The following FUT4 variants were observed in gnomAD, a reference collection of about 807,000 sequenced individuals.
The protein encoded by FUT4 is alpha-(1,3)-fucosyltransferase 4.
FUT4 carries 1 observed loss-of-function variant against 3.8 expected under a neutral mutation model. That is an observed-to-expected ratio of 0.26 (90% CI 0.09 to 1.25). The LOEUF is 1.25. FUT4 is among the 50% of genes most tolerant of loss of function. The pLI, the probability that FUT4 is intolerant of heterozygous loss-of-function variation, is 0.47. For synonymous variants in FUT4, 417 were observed against 355.3 expected, an observed-to-expected ratio of 1.17 and a Z score of -1.95; for missense variants, 880 against 768.2, an observed-to-expected ratio of 1.15 and a Z score of -1.72.
In FUT4 at chr11:94,547,666, T is replaced by C. The variant is rs890223778; in HGVS notation, c.*1940T>C. On this transcript the variant is annotated 3_prime_UTR_variant, in exon 1 of 1. Transcript: ENST00000358752. ...GCCAGCCACCGAATAAAGATAAAAG[T>C]TCAGTTCTTAAAATGAGTTTTTATG... 6 of 167,068 alleles carry C rather than the reference T, an allele frequency of 3.6e-5. No individual in the cohort carries two copies. Among genetic ancestry groups the C allele is most frequent in the Non-Finnish European group, 7.3e-5 (5 of 68,118 alleles). 10.3% of individuals were successfully genotyped at this position (167,068 alleles called of 1,614,324 possible).
rs569557978 is a variant in FUT4 at position 94,545,988 on chromosome 11, T to C, written c.*262T>C. 1.1e-4 allele frequency: 68 copies of C among 620,602 alleles called. No individual in the cohort carries two copies. In the African/African-American group the frequency reaches 1.2e-3, roughly 11 times the overall value. The allele number at this position is 620,602 out of a possible 1,614,324, so 38.4% of individuals were successfully genotyped here. A position where few individuals can be genotyped will look rare whatever the true frequency, so the allele number is the denominator to read the frequency against. On this transcript the variant is annotated 3_prime_UTR_variant, in exon 1 of 1. Coordinates refer to ENST00000358752, the MANE Select transcript of FUT4 (RefSeq NM_002033.4). ...TGTTTAGGGGTGAAGGAGGGGGTTC[T>C]TCCTCACCTTGTAACCAGTGCAGAA...
Position 94,544,400 on chromosome 11 carries a change from C to A in FUT4, c.267C>A (p.Ser89Arg). ...CCGCCCCCTTCCATTCCCGGGCCAG[C>A]GGCGAGCGGCAGCGACGGCTGGAGC... is the stretch of plus-strand genomic sequence containing the variant. ...SGTAPFHSRA[S>R]GERQRRLEPQ... Residue 89 changes from serine to arginine, a missense_variant, in exon 1 of 1, where the codon AGC (serine) becomes AGA (arginine). By Grantham distance (110) the Ser-to-Arg change is moderately radical. Coordinates refer to ENST00000358752, the MANE Select transcript of FUT4 (RefSeq NM_002033.4). The A allele has an allele frequency of 6.5e-7, 1 of 1,533,200 alleles. No homozygotes were observed. Among genetic ancestry groups the A allele is most frequent in the Non-Finnish European group, 8.7e-7 (1 of 1,147,938 alleles). The allele number at this position is 1,533,200 out of a possible 1,614,324, so 95.0% of individuals were successfully genotyped here.
rs937081855 is a variant in FUT4 at position 94,546,960 on chromosome 11, C to T, written c.*1234C>T. The T allele has an allele frequency of 6.0e-6, 1 of 167,166 alleles. No individual in the cohort carries two copies. Among genetic ancestry groups the T allele is most frequent in the African/African-American group, 2.4e-5 (1 of 41,468 alleles). 10.4% of individuals were successfully genotyped at this position (167,166 alleles called of 1,614,324 possible). Reference sequence around the variant, plus strand: ...CTTGTTAAAGGCTAAATCTGCGCTTCTCCCTGGTGCCAGCAGGTTCCCCTC... The same window carrying T: ...CTTGTTAAAGGCTAAATCTGCGCTTTTCCCTGGTGCCAGCAGGTTCCCCTC... On this transcript the variant is annotated 3_prime_UTR_variant, in exon 1 of 1. Transcript: ENST00000358752.
chr11:94,545,265 A>G lies in FUT4; in HGVS notation c.1132A>G (p.Ser378Gly). 6.2e-7 allele frequency: 1 copy of G among 1,611,724 alleles called. No homozygotes were observed. Among genetic ancestry groups the G allele is most frequent in the Non-Finnish European group, 8.5e-7 (1 of 1,179,862 alleles). Residue 378 changes from serine to glycine, a missense_variant, in exon 1 of 1, where the codon AGC becomes GGC. Transcript: ENST00000358752. Reference protein sequence around the residue: ...QARVRYYHQLSQHVTVDVFGR... With the variant: ...QARVRYYHQLGQHVTVDVFGR... ...CCGGGTCCGCTACTACCACCAACTG[A>G]GCCAACATGTGACCGTGGACGTGTT...
chr11:94,544,110 TTG>T lies in FUT4; in HGVS notation c.-23_-22del. On this transcript the variant is annotated 5_prime_UTR_variant, in exon 1 of 1. The change abolishes the stop of an existing upstream ORF in the 5' untranslated region. Transcript: ENST00000358752. ...CGCGCGCAGAGGGAAACCGGATCAG[TTG>T]AGAGAGAATCAAGAGTAGCGGATGA... 1.5e-6 allele frequency: 2 copies of T among 1,379,168 alleles called. No homozygotes were observed. Among genetic ancestry groups the T allele is most frequent in the Non-Finnish European group, 1.9e-6 (2 of 1,067,384 alleles). 85.4% of individuals were successfully genotyped at this position (1,379,168 alleles called of 1,614,324 possible). A position where few individuals can be genotyped will look rare whatever the true frequency, so the allele number is the denominator to read the frequency against.
rs1349005787 is a variant in FUT4 at position 94,546,424 on chromosome 11, C to T, written c.*698C>T. The T allele has an allele frequency of 1.2e-5, 2 of 172,176 alleles. No homozygotes were observed. The highest frequency in any genetic ancestry group is 2.8e-5 in the Non-Finnish European group (2 of 70,908). The allele number at this position is 172,176 out of a possible 1,614,324, so 10.7% of individuals were successfully genotyped here. A position where few individuals can be genotyped will look rare whatever the true frequency, so the allele number is the denominator to read the frequency against. The stretch of plus-strand genomic sequence containing the variant: ...ACATAAGAAATGTATTCCTGAAAAG[C>T]TGCATTTAAATCAAGTCCCAAATTC... On this transcript the variant is annotated 3_prime_UTR_variant, in exon 1 of 1. Transcript: ENST00000358752.
At position 94,545,178 on chromosome 11, in the gene FUT4, C is replaced by A. The variant is rs1337114967; in HGVS notation, c.1045C>A (p.Pro349Thr). 2 of 1,611,242 alleles carry A rather than the reference C, an allele frequency of 1.2e-6. No homozygotes were observed. Among genetic ancestry groups the A allele is most frequent in the Non-Finnish European group, 1.7e-6 (2 of 1,179,776 alleles). ...CGACCCGCCCTCAGGCCTGGCCCCG[C>A]CACTGTCCAGGAAACAGGGGCTGGT... is the stretch of plus-strand genomic sequence containing the variant. The part of the protein sequence containing the change: ...PGDPPSGLAP[P>T]LSRKQGLVAW... Residue 349 changes from proline (P) to threonine (T), a missense_variant, in exon 1 of 1, where the codon CCA (proline) becomes ACA (threonine). By Grantham distance (38) the Pro-to-Thr change is conservative. This residue lies in a region of FUT4 where 424 missense variants were observed against 400.4 expected (regional missense o/e 1.06). Transcript: ENST00000358752.
Position 94,544,650 on chromosome 11 carries a change from G to A in FUT4, c.517G>A (p.Gly173Arg). ...CTALITYACW[G>R]QLPPLPWASP... ...GGCGCTGATCACCTACGCTTGCTGG[G>A]GGCAGCTGCCGCCGCTGCCCTGGGC... The change falls in exon 1 of 1, where the codon GGG becomes AGG. Residue 173 changes from glycine to arginine, a missense_variant. Gly to Arg is a moderately radical substitution (Grantham distance 125). Coordinates refer to ENST00000358752, the MANE Select transcript of FUT4 (RefSeq NM_002033.4). 1.3e-6 allele frequency: 2 copies of A among 1,517,594 alleles called. No individual in the cohort carries two copies. The highest frequency in any genetic ancestry group is 1.4e-5 in the African/African-American group (1 of 71,000). The allele number at this position is 1,517,594 out of a possible 1,614,324, so 94.0% of individuals were successfully genotyped here.
rs761779983 is a variant in FUT4, at chr11:94,544,463, G to A, written c.330G>A (p.Thr110=). ...ATGAGAGCCGGTGCCGCTCCTCCAC[G>A]CCTGCGGACGCGTGGCGAGCGGAGG... ...LQHESRCRSS[T]PADAWRAEAA... Residue 110 remains threonine (T), a synonymous_variant, in exon 1 of 1, where the codon ACG becomes ACA. Transcript: ENST00000358752. 3.1e-5 allele frequency: 46 copies of A among 1,497,218 alleles called. No individual in the cohort carries two copies. Among genetic ancestry groups the A allele is most frequent in the Non-Finnish European group, 3.9e-5 (44 of 1,130,310 alleles). The allele number at this position is 1,497,218 out of a possible 1,614,324, so 92.7% of individuals were successfully genotyped here. A position where few individuals can be genotyped will look rare whatever the true frequency, so the allele number is the denominator to read the frequency against.
chr11:94,549,554 G>A lies in FUT4; in HGVS notation c.*3828G>A, dbSNP rs7934975. 11 of 166,990 alleles carry A rather than the reference G, an allele frequency of 6.6e-5. No homozygotes were observed. The highest frequency in any genetic ancestry group is 2.7e-4 in the African/African-American group (11 of 41,412). 10.3% of individuals were successfully genotyped at this position (166,990 alleles called of 1,614,324 possible). A position where few individuals can be genotyped will look rare whatever the true frequency, so the allele number is the denominator to read the frequency against. On this transcript the variant is annotated 3_prime_UTR_variant, in exon 1 of 1. Coordinates refer to ENST00000358752, the MANE Select transcript of FUT4 (RefSeq NM_002033.4). ...AAAGTGCTTATCTGCTTTCCAATGT[G>A]GCTTCCTTACAGTCTGGAACTGACA...
rs578256926 is a variant in FUT4, at chr11:94,544,754, G to T, written c.621G>T (p.Pro207=). Residue 207 remains proline, a synonymous_variant, in exon 1 of 1, where the codon CCG becomes CCT. Coordinates refer to ENST00000358752, the MANE Select transcript of FUT4 (RefSeq NM_002033.4). ...GGGGGCGCGATAGCGCCCCGAGGCC[G>T]CCCCCTGACTGCCGGCTGCGCTTCA... ...PFGGRDSAPR[P]PPDCRLRFNI... 2.5e-6 allele frequency: 4 copies of T among 1,568,784 alleles called. No homozygotes were observed. Among genetic ancestry groups the T allele is most frequent in the Non-Finnish European group, 3.4e-6 (4 of 1,165,766 alleles).
chr11:94,545,355 A>G lies in FUT4; in HGVS notation c.1222A>G (p.Lys408Glu). The stretch of plus-strand genomic sequence containing the variant: ...GCTCCTGCACACAGTGGCCCGCTAC[A>G]AGTTCTACCTGGCTTTCGAGAACTC... ...IGLLHTVARY[K>E]FYLAFENSQH... Residue 408 changes from lysine (K) to glutamate (E), a missense_variant, in exon 1 of 1, where the codon AAG becomes GAG. By Grantham distance (56) the Lys-to-Glu change is moderately conservative (BLOSUM62 1). Transcript: ENST00000358752. 1 of 1,612,892 alleles carries G rather than the reference A, an allele frequency of 6.2e-7. No homozygotes were observed. The highest frequency in any genetic ancestry group is 2.2e-5 in the East Asian group (1 of 44,854).
Position 94,544,402 on chromosome 11 carries a change from G to C in FUT4, c.269G>C (p.Gly90Ala). ...GTAPFHSRAS[G>A]ERQRRLEPQL... ...GCCCCCTTCCATTCCCGGGCCAGCGGCGAGCGGCAGCGACGGCTGGAGCCG... is the reference window on the plus strand; with the variant it reads ...GCCCCCTTCCATTCCCGGGCCAGCGCCGAGCGGCAGCGACGGCTGGAGCCG... The change falls in exon 1 of 1, where the codon GGC becomes GCC. Residue 90 changes from glycine to alanine, a missense_variant. Gly to Ala is a moderately conservative substitution (Grantham distance 60). Transcript: ENST00000358752. The C allele has an allele frequency of 6.5e-7, 1 of 1,530,714 alleles. No homozygotes were observed. Among genetic ancestry groups the C allele is most frequent in the Non-Finnish European group, 8.7e-7 (1 of 1,146,752 alleles). 94.8% of individuals were successfully genotyped at this position (1,530,714 alleles called of 1,614,324 possible).
In FUT4 at chr11:94,545,489, C is replaced by G. The variant is rs760803629; in HGVS notation, c.1356C>G (p.Pro452=). 2 of 1,613,726 alleles carry G rather than the reference C, an allele frequency of 1.2e-6. No homozygotes were observed. Among genetic ancestry groups the G allele is most frequent in the South Asian group, 2.2e-5 (2 of 91,068 alleles). The change falls in exon 1 of 1, where the codon CCC becomes CCG. Residue 452 remains proline (P), a synonymous_variant. Transcript: ENST00000358752. ...PDRANYERFV[P]RGAFIHVDDF... is the part of the protein sequence containing the mutation. ...GTGCCAACTACGAGCGCTTTGTGCC[C>G]CGCGGCGCCTTCATCCACGTGGACG... is the stretch of plus-strand genomic sequence containing the variant.
chr11:94,544,381 C>A lies in FUT4; in HGVS notation c.248C>A (p.Pro83His), dbSNP rs747456563. 1.9e-6 allele frequency: 3 copies of A among 1,541,656 alleles called. No individual in the cohort carries two copies. Among genetic ancestry groups the A allele is most frequent in the Non-Finnish European group, 2.6e-6 (3 of 1,152,084 alleles). ...CGGCCTTTGCATTCTGGGACCGCCC[C>A]CTTCCATTCCCGGGCCAGCGGCGAG... is the stretch of plus-strand genomic sequence containing the variant. ...GPRPLHSGTAPFHSRASGERQ... is the reference protein window; with the variant it reads ...GPRPLHSGTAHFHSRASGERQ... The change falls in exon 1 of 1, where the codon CCC (proline) becomes CAC (histidine). Residue 83 changes from proline (P) to histidine (H), a missense_variant. Around this residue, in one of 3 missense-constraint regions of FUT4, gnomAD observed 447 missense variants for 339.5 expected, o/e 1.32. Transcript: ENST00000358752.
At position 94,545,405 on chromosome 11, in the gene FUT4, G is replaced by T; in HGVS notation, c.1272G>T (p.Glu424Asp). The T allele has an allele frequency of 6.2e-7, 1 of 1,613,100 alleles. No individual in the cohort carries two copies. The change falls in exon 1 of 1, where the codon GAG becomes GAT. Residue 424 changes from glutamate to aspartate, a missense_variant. Physicochemically the swap from Glu to Asp is conservative, Grantham distance 45. Transcript: ENST00000358752. ...CGCAGCACCTGGATTATATCACCGA[G>T]AAGCTCTGGCGCAACGCGTTGCTCG... Reference protein sequence around the residue: ...ENSQHLDYITEKLWRNALLAG... With the variant: ...ENSQHLDYITDKLWRNALLAG...
At position 94,544,580 on chromosome 11, in the gene FUT4, G is replaced by A. The variant is rs1195780761; in HGVS notation, c.447G>A (p.Leu149=). 1.4e-6 allele frequency: 2 copies of A among 1,418,740 alleles called. No homozygotes were observed. The highest frequency in any genetic ancestry group is 1.8e-6 in the Non-Finnish European group (2 of 1,096,184). 87.9% of individuals were successfully genotyped at this position (1,418,740 alleles called of 1,614,324 possible). Residue 149 remains leucine, a synonymous_variant, in exon 1 of 1, where the codon CTG becomes CTA. Transcript: ENST00000358752. ...GCGGGTGGCGCCGAGGCCGGGGGCT[G>A]CCATGGACCGTCTGTGTGCTGGCGG... The part of the protein sequence containing the change: ...GRRGWRRGRG[L]PWTVCVLAAA...
At position 94,545,016 on chromosome 11, in the gene FUT4, A is replaced by G. The variant is rs909959761; in HGVS notation, c.883A>G (p.Met295Val). The G allele has an allele frequency of 6.2e-7, 1 of 1,609,574 alleles. No individual in the cohort carries two copies. Among genetic ancestry groups the G allele is most frequent in the Non-Finnish European group, 8.5e-7 (1 of 1,177,826 alleles). ...PRPPGQRWVW[M>V]NFESPSHSPG... ...GCCCCCGGGCCAGCGCTGGGTTTGG[A>G]TGAACTTCGAGTCGCCCTCGCACTC... Residue 295 changes from methionine to valine, a missense_variant, in exon 1 of 1, where the codon ATG (methionine) becomes GTG (valine). Met to Val is a conservative substitution (Grantham distance 21). Transcript: ENST00000358752.
At position 94,545,485 on chromosome 11, in the gene FUT4, T is replaced by C; in HGVS notation, c.1352T>C (p.Val451Ala). The C allele has an allele frequency of 6.2e-7, 1 of 1,613,680 alleles. No individual in the cohort carries two copies. The highest frequency in any genetic ancestry group is 8.5e-7 in the Non-Finnish European group (1 of 1,179,950). The part of the protein sequence containing the change: ...GPDRANYERF[V>A]PRGAFIHVDD... ...GACCGTGCCAACTACGAGCGCTTTG[T>C]GCCCCGCGGCGCCTTCATCCACGTG... The change falls in exon 1 of 1, where the codon GTG (valine) becomes GCG (alanine). Residue 451 changes from valine (V) to alanine (A), a missense_variant. By Grantham distance (64) the Val-to-Ala change is moderately conservative (BLOSUM62 0). Coordinates refer to ENST00000358752, the MANE Select transcript of FUT4 (RefSeq NM_002033.4).
Sources: allele counts gnomAD v4.1 joint callset, GRCh38; gene constraint gnomAD v4.1.1; regional missense constraint gnomAD v4.1.1; transcripts MANE v1.5; gene names NCBI Gene and HGNC (gene_info 2026-07-23, HGNC 2026-07-21).